Variants in ADGRL3 observed in about 807,000 individuals in gnomAD.
The protein encoded by ADGRL3 is adhesion G protein-coupled receptor L3, also known as calcium-independent alpha-latrotoxin receptor 3.
In ADGRL3, 62 loss-of-function variants were observed where a neutral mutation model predicts 153.5. That is an observed-to-expected ratio of 0.40 (90% CI 0.33 to 0.50). ADGRL3 has a LOEUF of 0.50. ADGRL3 is among the 20% of genes least tolerant of loss of function. The probability of loss-of-function intolerance (pLI) is 0.47; values close to 1 mark genes in which losing one functional copy is unlikely to be tolerated. For synonymous variants in ADGRL3, 710 were observed against 672.5 expected (o/e 1.06, Z -0.86); for missense variants, 1,641 against 1,859.4 (o/e 0.88, Z 2.16).
chr4:61,748,430 G>A (rs377231480), intron 8 of ADGRL3, among the ~76,000 whole-genome samples: 11,524 of 149,096 alleles, frequency 0.077, 981 homozygotes, highest in African/African-American at 0.21. Flanking sequence ...GAACAAAGCT[G>A]GAGGCATCAC....
chr4:61,655,921 T>G (rs1292176565), intron 5 of ADGRL3, among the ~76,000 whole-genome samples: 1 of 152,192 alleles, frequency 6.6e-6, no homozygotes, highest in Non-Finnish European at 1.5e-5. Context: ...TCTAGATATA[T>G]TTGGAATGTG....
chr4:61,834,646 TAGTGAGAATGGG>T (rs1350919553), intron 9 of ADGRL3, among the ~76,000 whole-genome samples: 1 of 152,040 alleles, frequency 6.6e-6, no homozygotes, highest in Non-Finnish European at 1.5e-5. Flanking sequence ...GACAGGGCCA[TAGTGAGAATGGG>T]AGTTGACCCC....
intron 5 of ADGRL3, among the ~76,000 whole-genome samples, chr4:61,643,989 G>A (rs9714938): frequency 0.19 from 10,022 of 52,656 alleles, 462 homozygotes; most frequent in Non-Finnish European, 0.28. Flanking sequence ...TCTATTCAGA[G>A]ATTCAACTTC....
chr4:61,600,489 A>G (rs1424193474), intron 5 of ADGRL3, among the ~76,000 whole-genome samples: 1 of 152,126 alleles, frequency 6.6e-6, no homozygotes, highest in Non-Finnish European at 1.5e-5. Flanking sequence ...AATTCAGAGC[A>G]TGTGGTTTGA....
intron 2 of ADGRL3, among the ~76,000 whole-genome samples, chr4:61,407,451 C>A (rs1194840972): frequency 2.0e-5 from 3 of 152,020 alleles, no homozygotes; most frequent in Non-Finnish European, 4.4e-5. Context: ...TTCTTTATAT[C>A]TTATGAAGCC....
intron 24 of ADGRL3, among the ~76,000 whole-genome samples, chr4:62,041,089 A>G (rs1164975206): frequency 6.6e-6 from 1 of 152,102 alleles, no homozygotes; most frequent in Non-Finnish European, 1.5e-5. Context: ...TTTTATTTTG[A>G]TTACTTTGGA....
chr4:61,672,730 T>C (rs1230724879), intron 5 of ADGRL3, among the ~76,000 whole-genome samples: 2 of 152,000 alleles, frequency 1.3e-5, no homozygotes, highest in Non-Finnish European at 2.9e-5. Context: ...GATGGAAATG[T>C]GAATTGGTAT....
At chr4:61,605,481 A>T (rs1225706358) in intron 5 of ADGRL3, among the ~76,000 whole-genome samples, 1 of 152,192 alleles carries the variant, frequency 6.6e-6, no homozygotes, top group Admixed American at 6.5e-5. Context: ...GGTACTCTGT[A>T]GAAGCATCTG....
At chr4:61,526,676 T>C (rs1488855493) in intron 4 of ADGRL3, among the ~76,000 whole-genome samples, 1 of 151,986 alleles carries the variant, frequency 6.6e-6, no homozygotes, top group Non-Finnish European at 1.5e-5. Context: ...ATCAAGAGTC[T>C]GCATTTGAGC....
chr4:61,451,102 A>C (rs2097668126), intron 2 of ADGRL3, among the ~76,000 whole-genome samples: 1 of 152,138 alleles, frequency 6.6e-6, no homozygotes, highest in Non-Finnish European at 1.5e-5. Context: ...AGCTTGGTAC[A>C]AGAATAGTTA....
chr4:61,699,034 C>T (rs563970905), intron 6 of ADGRL3, among the ~76,000 whole-genome samples: 2 of 152,172 alleles, frequency 1.3e-5, no homozygotes, highest in African/African-American at 2.4e-5. Context: ...GGTAATAATA[C>T]GTTGTATTTG....
intron 1 of ADGRL3, among the ~76,000 whole-genome samples, chr4:61,234,339 G>T (rs573880032): frequency 6.6e-6 from 1 of 152,074 alleles, no homozygotes; most frequent in African/African-American, 2.4e-5. Context: ...ATCCGGTCTC[G>T]TGAGACTTAT....
intron 5 of ADGRL3, among the ~76,000 whole-genome samples, chr4:61,642,622 G>C (rs1056606764): frequency 1.3e-5 from 2 of 151,998 alleles, no homozygotes; most frequent in African/African-American, 4.8e-5. Context: ...ATTTCTGAGG[G>C]CTCTGTTCTG....
intron 1 of ADGRL3, among the ~76,000 whole-genome samples, chr4:61,329,596 T>C (rs1243989890): frequency 6.6e-6 from 1 of 152,212 alleles, no homozygotes; most frequent in African/African-American, 2.4e-5. Flanking sequence ...AATTGTTCTC[T>C]ATCTTTCCAG....
At chr4:61,245,491 GTTTC>G (rs1756696032) in intron 1 of ADGRL3, among the ~76,000 whole-genome samples, 1 of 152,008 alleles carries the variant, frequency 6.6e-6, no homozygotes, top group African/African-American at 2.4e-5. Context: ...AGCAGAGTTA[GTTTC>G]TTTCTTTCGT....
At chr4:61,757,565 A>G (rs1180772292) in intron 8 of ADGRL3, among the ~76,000 whole-genome samples, 1 of 152,078 alleles carries the variant, frequency 6.6e-6, no homozygotes, top group African/African-American at 2.4e-5. Flanking sequence ...CTTTTCAAAA[A>G]ACCAGCTCCT....
intron 4 of ADGRL3, among the ~76,000 whole-genome samples, chr4:61,560,561 G>T (rs1369242790): frequency 6.6e-6 from 1 of 152,098 alleles, no homozygotes. Context: ...ACCTGCCTTT[G>T]GAGGTCATTA....
intron 4 of ADGRL3, among the ~76,000 whole-genome samples, chr4:61,521,505 G>A (rs1003735817): frequency 4.6e-5 from 7 of 152,116 alleles, no homozygotes; most frequent in African/African-American, 1.4e-4. Flanking sequence ...TGACACATTT[G>A]AAGAATTAAC....
chr4:61,401,893 A>T (rs1257095870), intron 2 of ADGRL3, among the ~76,000 whole-genome samples: 1 of 152,058 alleles, frequency 6.6e-6, no homozygotes, highest in Non-Finnish European at 1.5e-5. Context: ...TAATCTGTTG[A>T]AGAGGTCAGC....
Sources: gnomAD v4.1 joint callset for allele counts (sites outside exome capture counted in the v4.1 genomes callset) on GRCh38, gnomAD v4.1.1 for gene constraint, MANE v1.5 for transcripts, NCBI Gene and HGNC (gene_info 2026-07-23, HGNC 2026-07-21) for gene names.